The following AKT2 variants were observed in gnomAD, a reference collection of about 807,000 sequenced individuals.
AKT2 encodes the protein RAC-beta serine/threonine-protein kinase.
A neutral mutation model predicts 58.6 loss-of-function variants in AKT2; 16 were observed. The ratio of observed to expected loss-of-function variants is 0.27; its 90% confidence interval spans 0.18 to 0.41. The LOEUF is 0.41. AKT2 is among the 10% of genes least tolerant of loss of function. The pLI, the probability that AKT2 is intolerant of heterozygous loss-of-function variation, is 1.00. For synonymous variants in AKT2, 253 were observed against 254.0 expected, an observed-to-expected ratio of 1.00 and a Z score of 0.04; for missense variants, 438 against 661.0, an observed-to-expected ratio of 0.66 and a Z score of 3.70.
At chr19:40,255,972 C>T (rs1003669227) in intron 3 of AKT2, among the ~76,000 whole-genome samples, 1 of 152,158 alleles carries the variant, frequency 6.6e-6, no homozygotes, top group Non-Finnish European at 1.5e-5. Flanking sequence ...TGCAGACAGG[C>T]CATGGGAAGA....
At position 40,240,034 on chromosome 19, in the gene AKT2, G is replaced by T. The variant is rs367714258; in HGVS notation, c.639+11C>A. 6.2e-7 allele frequency: 1 copy of T among 1,613,502 alleles called. No individual in the cohort carries two copies. Among genetic ancestry groups the T allele is most frequent in the Non-Finnish European group, 8.5e-7 (1 of 1,179,672 alleles). The stretch of plus-strand genomic sequence containing the variant: ...GGCCTCACACTGTCTGGGAAGGGGA[G>T]GGCAACTCACAGTGAGGAACGGGTG... On this transcript the variant is annotated intron_variant, in intron 7 of 13. Transcript: ENST00000392038.
chr19:40,280,347 G>A (rs564492842), intron 1 of AKT2, among the ~76,000 whole-genome samples: 179 of 152,280 alleles, frequency 1.2e-3, no homozygotes, highest in Admixed American at 2.4e-3. Flanking sequence ...TGGAGAACAC[G>A]GTGTGAAAAC....
intron 7 of AKT2, 195 bp from the exon 8 acceptor site, chr19:40,239,168 T>G: frequency 1.7e-6 from 1 of 576,820 alleles, no homozygotes; most frequent in South Asian, 2.2e-5. Context: ...GGCTCTGCGG[T>G]AGGAAAGGGT....
intron 6 of AKT2, chr19:40,241,611 C>A (rs982471938): frequency 3.7e-5 from 15 of 400,036 alleles, no homozygotes; most frequent in South Asian, 7.1e-5. Flanking sequence ...ACCTGGGATA[C>A]CCTGAGCAAA....
chr19:40,275,154 C>G (rs1324461871), intron 1 of AKT2: 3 of 456,840 alleles, frequency 6.6e-6, no homozygotes. Context: ...CCCTCTCCTC[C>G]GAGCCCTGAG....
chr19:40,264,008 G>A (rs574610480), intron 2 of AKT2, among the ~76,000 whole-genome samples: 1 of 152,266 alleles, frequency 6.6e-6, no homozygotes, highest in South Asian at 2.1e-4. Context: ...GCCACCGTGA[G>A]ACATGCATGT....
chr19:40,257,211 C>T (rs1159682308), intron 2 of AKT2, among the ~76,000 whole-genome samples, 157 bp from the exon 3 acceptor site: 1 of 152,218 alleles, frequency 6.6e-6, no homozygotes, highest in Non-Finnish European at 1.5e-5. Flanking sequence ...CAGAGGAGCC[C>T]TCCAGGTGGC....
rs749577686 is a variant in AKT2 at position 40,265,276 on chromosome 19, C to T, written c.-9G>A. 8.7e-6 allele frequency: 14 copies of T among 1,612,704 alleles called. No individual in the cohort carries two copies. Among genetic ancestry groups the T allele is most frequent in the South Asian group, 2.2e-5 (2 of 90,722 alleles). On this transcript the variant is annotated 5_prime_UTR_variant, in exon 2 of 14. Transcript: ENST00000392038. ...ACAGACACCTCATTCATGGTGGCAGCGTGGTACGCTGTCACCTAGCTCGGG... is the reference window on the plus strand; with the variant it reads ...ACAGACACCTCATTCATGGTGGCAGTGTGGTACGCTGTCACCTAGCTCGGG...
At chr19:40,267,484 A>C (rs900826864) in intron 1 of AKT2, among the ~76,000 whole-genome samples, 19 of 152,072 alleles carry the variant, frequency 1.2e-4, no homozygotes, top group African/African-American at 4.6e-4. Flanking sequence ...CTCTTCCTTG[A>C]GGTCTCAGCT....
chr19:40,235,219 G>T lies in AKT2; in HGVS notation c.1263+44C>A. 1 of 1,612,700 alleles carries T rather than the reference G, an allele frequency of 6.2e-7. No homozygotes were observed. Among genetic ancestry groups the T allele is most frequent in the Non-Finnish European group, 8.5e-7 (1 of 1,178,754 alleles). On this transcript the variant is annotated intron_variant, in intron 12 of 13. Coordinates refer to ENST00000392038, the MANE Select transcript of AKT2 (RefSeq NM_001626.6). The surrounding 1 kb of genome is among the most constrained non-coding windows in gnomAD (Gnocchi z 6.3). The stretch of plus-strand genomic sequence containing the variant: ...CCTCAACCAAGGTCACCACGAGTGG[G>T]CCAGGTCCCTGAGGGTCCTGCTGGG...
chr19:40,276,375 TTTTTTTTTTG>T (rs2077325271), intron 1 of AKT2, among the ~76,000 whole-genome samples: 1 of 115,486 alleles, frequency 8.7e-6, no homozygotes, highest in Non-Finnish European at 1.7e-5. Context: ...TTTTTTTTTT[TTTTTTTTTTG>T]AGACAGAGTC....
intron 4 of AKT2, among the ~76,000 whole-genome samples, chr19:40,249,039 G>A (rs2145248918): frequency 6.6e-6 from 1 of 151,156 alleles, no homozygotes; most frequent in South Asian, 2.1e-4. Context: ...AGGACAGGGA[G>A]GAGTGGAGGA....
intron 9 of AKT2, 123 bp from the exon 10 acceptor site, chr19:40,236,508 C>A: frequency 7.7e-7 from 1 of 1,306,336 alleles, no homozygotes. Context: ...CAGGCTGGGC[C>A]CAGCACACAC....
At position 40,236,121 on chromosome 19, in the gene AKT2, A is replaced by C. The variant is rs2145166045; in HGVS notation, c.961-17T>G. 6.2e-7 allele frequency: 1 copy of C among 1,613,936 alleles called. No homozygotes were observed. The highest frequency in any genetic ancestry group is 2.2e-5 in the East Asian group (1 of 44,862). ...CTCCAGCACCTGAGGATGGAGGAGA[A>C]ATGAGGGCTGGGCCCGTGGCCCTGA... On this transcript the variant is annotated splice_polypyrimidine_tract_variant and intron_variant, in intron 10 of 13. Transcript: ENST00000392038.
intron 1 of AKT2, among the ~76,000 whole-genome samples, chr19:40,268,137 A>T (rs1167759897): frequency 6.6e-6 from 1 of 152,166 alleles, no homozygotes. Context: ...TCCCTGATGC[A>T]AGCTCAGTTC....
intron 2 of AKT2, among the ~76,000 whole-genome samples, chr19:40,258,485 G>A (rs989969539): frequency 7.9e-5 from 12 of 151,868 alleles, no homozygotes; most frequent in South Asian, 2.1e-4. Flanking sequence ...GCAACATAGT[G>A]AGATCTGGTC....
Position 40,265,329 on chromosome 19 carries a change from A to C in AKT2, c.-62T>G. 6.3e-7 allele frequency: 1 copy of C among 1,592,104 alleles called. No individual in the cohort carries two copies. Among genetic ancestry groups the C allele is most frequent in the Non-Finnish European group, 8.5e-7 (1 of 1,169,944 alleles). On this transcript the variant is annotated 5_prime_UTR_variant, in exon 2 of 14. Transcript: ENST00000392038. ...AGCTCAGGGCAGCAGGACATGCAGGAGGCACCGTGGACAGGGCACAGTCTG... is the reference window on the plus strand; with the variant it reads ...AGCTCAGGGCAGCAGGACATGCAGGCGGCACCGTGGACAGGGCACAGTCTG...
At chr19:40,274,488 CA>C (rs1288237180) in intron 1 of AKT2, 1 of 157,970 alleles carries the variant, frequency 6.3e-6, no homozygotes, top group Non-Finnish European at 1.4e-5. Flanking sequence ...AATGAGGGAA[CA>C]GGCAGCAAAA....
intron 1 of AKT2, chr19:40,269,440 T>G (rs1188820528): frequency 6.6e-6 from 1 of 152,150 alleles, no homozygotes; most frequent in African/African-American, 2.4e-5. Context: ...GGCTCGAATT[T>G]TAAAAACTGA....
Sources: allele counts gnomAD v4.1 joint callset (sites outside exome capture counted in the v4.1 genomes callset), GRCh38; gene constraint gnomAD v4.1.1; non-coding constraint Gnocchi (gnomAD v3.1); transcripts MANE v1.5; gene names NCBI Gene and HGNC (gene_info 2026-07-23, HGNC 2026-07-21).